The following OR1J2 variants were observed in gnomAD, a reference collection of about 807,000 sequenced individuals.
OR1J2 encodes the protein olfactory receptor 1J2.
For synonymous variants in OR1J2, 142 were observed against 99.7 expected (o/e 1.42, Z -2.52); for missense variants, 304 against 246.1 (o/e 1.24, Z -1.57).
chr9:122,474,114 T>C, the OR1J2 span, among the ~76,000 whole-genome samples: 1 of 152,212 alleles, frequency 6.6e-6, no homozygotes, highest in African/African-American at 2.4e-5. Context: ...GTTGCCTTTG[T>C]TCATGGCTCA....
chr9:122,511,918 T>C (rs35169894), downstream of OR1J2, among the ~76,000 whole-genome samples: 1,163 of 152,336 alleles, frequency 7.6e-3, 15 homozygotes, highest in African/African-American at 0.026. Flanking sequence ...ATTAACAATG[T>C]TATTCTTTAT....
chr9:122,535,680 G>A, the OR1J2 span, among the ~76,000 whole-genome samples: 4 of 152,080 alleles, frequency 2.6e-5, no homozygotes, highest in Admixed American at 2.6e-4. Context: ...TTCTCACGGA[G>A]CAAAAAGCAG....
downstream of OR1J2, among the ~76,000 whole-genome samples, chr9:122,516,204 A>G (rs1032273991): frequency 6.6e-6 from 1 of 151,624 alleles, no homozygotes; most frequent in Non-Finnish European, 1.5e-5. Context: ...ATAATACACA[A>G]CCTCACTGTA....
chr9:122,545,134 A>C, the OR1J2 span, among the ~76,000 whole-genome samples: 5 of 152,004 alleles, frequency 3.3e-5, 1 homozygote, highest in Non-Finnish European at 7.4e-5. Context: ...AAATATCTTG[A>C]TTTTTAAATT....
the OR1J2 span, chr9:122,448,783 G>A: frequency 6.6e-6 from 1 of 152,202 alleles, no homozygotes; most frequent in African/African-American, 2.4e-5. Flanking sequence ...GTTTCTGTGA[G>A]CTCAAAGTTG....
chr9:122,508,020 A>C (rs930184541), upstream of OR1J2, among the ~76,000 whole-genome samples: 36 of 151,976 alleles, frequency 2.4e-4, no homozygotes, highest in Admixed American at 2.0e-3. Context: ...TTTTATGATG[A>C]CCAAGCCTAT....
chr9:122,554,175 A>C, the OR1J2 span: 2 of 1,589,602 alleles, frequency 1.3e-6, no homozygotes, highest in Middle Eastern at 3.4e-4. Flanking sequence ...AGACATCTAG[A>C]CGGTGATGTC....
At chr9:122,507,610 G>A (rs184159464), upstream of OR1J2, among the ~76,000 whole-genome samples, 38 of 152,214 alleles carry the variant, frequency 2.5e-4, no homozygotes, top group East Asian at 7.0e-3. Context: ...TCCAGCAGTA[G>A]AATGATCATT....
At chr9:122,571,600 C>T in the OR1J2 span, among the ~76,000 whole-genome samples, 1 of 150,566 alleles carries the variant, frequency 6.6e-6, no homozygotes, top group Admixed American at 6.6e-5. Context: ...CCTGTAGTCC[C>T]AGCTACTCGG....
At chr9:122,530,445 C>G in the OR1J2 span, among the ~76,000 whole-genome samples, 1 of 152,230 alleles carries the variant, frequency 6.6e-6, no homozygotes. Flanking sequence ...AGTCATGGGA[C>G]AGAGTTCCCT....
At chr9:122,500,559 G>T in the OR1J2 span, among the ~76,000 whole-genome samples, 134 of 152,290 alleles carry the variant, frequency 8.8e-4, no homozygotes, top group African/African-American at 3.2e-3. Flanking sequence ...TTAGGTAAAG[G>T]AATTTCCGAT....
the OR1J2 span, among the ~76,000 whole-genome samples, chr9:122,464,786 T>G: frequency 1.3e-5 from 2 of 152,192 alleles, no homozygotes; most frequent in African/African-American, 4.8e-5. Flanking sequence ...CTCCCTTTGG[T>G]AGCAGCTCCC....
chr9:122,568,108 A>G, the OR1J2 span: 2 of 1,614,076 alleles, frequency 1.2e-6, no homozygotes, highest in Non-Finnish European at 1.7e-6. Flanking sequence ...ACGGCCACAT[A>G]GCGGTCAAAG....
chr9:122,514,979 A>T (rs1412651810), downstream of OR1J2, among the ~76,000 whole-genome samples: 3 of 152,174 alleles, frequency 2.0e-5, no homozygotes, highest in African/African-American at 7.2e-5. Context: ...TTTGATGAAC[A>T]TCGAAGTTTA....
chr9:122,533,878 G>A, the OR1J2 span, among the ~76,000 whole-genome samples: 3 of 152,134 alleles, frequency 2.0e-5, no homozygotes, highest in Admixed American at 6.5e-5. Flanking sequence ...CTTCTGAGGC[G>A]ATCAGGCAGC....
the OR1J2 span, among the ~76,000 whole-genome samples, chr9:122,566,369 T>C: frequency 6.6e-6 from 1 of 152,208 alleles, no homozygotes; most frequent in Non-Finnish European, 1.5e-5. Flanking sequence ...TGAGGAAATA[T>C]TCTCCCTCCA....
At chr9:122,489,112 G>A in the OR1J2 span, among the ~76,000 whole-genome samples, 6 of 150,692 alleles carry the variant, frequency 4.0e-5, no homozygotes, top group East Asian at 2.0e-4. Context: ...GAATGAGATC[G>A]ACAAAACCGT....
chr9:122,562,124 G>T, the OR1J2 span, among the ~76,000 whole-genome samples: 1 of 152,214 alleles, frequency 6.6e-6, no homozygotes, highest in East Asian at 1.9e-4. Context: ...GCTGCAGTCT[G>T]CCACAGCCGG....
chr9:122,547,779 T>C, the OR1J2 span, among the ~76,000 whole-genome samples: 3 of 152,282 alleles, frequency 2.0e-5, no homozygotes, highest in East Asian at 3.9e-4. Flanking sequence ...CTTTTTGATA[T>C]AGCAATTTCT....
Sources: gnomAD v4.1 joint callset for allele counts (sites outside exome capture counted in the v4.1 genomes callset) on GRCh38, gnomAD v4.1.1 for gene constraint, MANE v1.5 for transcripts, NCBI Gene and HGNC (gene_info 2026-07-23, HGNC 2026-07-21) for gene names.